ATXN2: variants seen among roughly 807,000 people sequenced by gnomAD.
ATXN2 encodes ataxin-2.
A neutral mutation model predicts 138.6 loss-of-function variants in ATXN2; 37 were observed. That is an observed-to-expected ratio of 0.27 (90% confidence interval 0.21 to 0.35). ATXN2 has a LOEUF of 0.35. Among genes scored for constraint, ATXN2 ranks in the 10% least tolerant of loss-of-function variants. The pLI, the probability that ATXN2 is intolerant of heterozygous loss-of-function variation, is 1.00. For synonymous variants in ATXN2, 549 were observed against 543.7 expected (o/e 1.01, Z -0.13); for missense variants, 1,216 against 1,480.3 (o/e 0.82, Z 2.93).
Position 111,576,990 on chromosome 12 carries a change from A to C in ATXN2, c.252-21071T>G, listed in dbSNP as rs377013612. Among the ~76,000 whole-genome samples, 136 of 151,152 alleles carry C rather than the reference A, an allele frequency of 9.0e-4. 1 individual carries two copies. The highest frequency in any genetic ancestry group is 1.4e-3 in the African/African-American group (57 of 41,262). ...TAAATAAATAAATAAACAAACAAACAAACCCAGGGTTTCACCACGTTGGCC... is the reference window on the plus strand; with the variant it reads ...TAAATAAATAAATAAACAAACAAACCAACCCAGGGTTTCACCACGTTGGCC... On this transcript the variant is annotated intron_variant, in intron 1 of 24. Transcript: ENST00000673436.
At chr12:111,563,257 G>C (rs1290988790) in intron 1 of ATXN2, among the ~76,000 whole-genome samples, 1 of 152,112 alleles carries the variant, frequency 6.6e-6, no homozygotes, top group Admixed American at 6.6e-5. Context: ...TTCTTGGACA[G>C]AGGGAGTAAA....
At chr12:111,474,277 C>T (rs1876635013) in intron 18 of ATXN2, among the ~76,000 whole-genome samples, 1 of 151,860 alleles carries the variant, frequency 6.6e-6, no homozygotes, top group East Asian at 1.9e-4. Flanking sequence ...GCTCATCCAG[C>T]ACCTCCTAAA....
chr12:111,561,088 G>A (rs1434805731), intron 1 of ATXN2, among the ~76,000 whole-genome samples: 1 of 152,036 alleles, frequency 6.6e-6, no homozygotes, highest in Non-Finnish European at 1.5e-5. Context: ...AGGAGGCTAA[G>A]GCAGGACAAT....
At chr12:111,455,782 G>A (rs574222467) in intron 23 of ATXN2, 2 of 576,094 alleles carry the variant, frequency 3.5e-6, no homozygotes, top group Non-Finnish European at 3.1e-6. Flanking sequence ...GCATTCCAGA[G>A]TCAAAGATAT....
At chr12:111,481,741 C>T (rs546716663) in intron 18 of ATXN2, among the ~76,000 whole-genome samples, 3 of 152,080 alleles carry the variant, frequency 2.0e-5, no homozygotes, top group South Asian at 2.1e-4. Flanking sequence ...CTGCAGCCTC[C>T]GCCTCCCAGG....
At chr12:111,567,842 T>C (rs767855993) in intron 1 of ATXN2, among the ~76,000 whole-genome samples, 2 of 152,152 alleles carry the variant, frequency 1.3e-5, no homozygotes, top group African/African-American at 2.4e-5. Context: ...CGTATGTTTG[T>C]CTGTCTTATT....
chr12:111,577,285 A>G (rs1883722303), intron 1 of ATXN2, among the ~76,000 whole-genome samples: 1 of 151,956 alleles, frequency 6.6e-6, no homozygotes. Flanking sequence ...ATTTATTTTG[A>G]GACAGAGTCT....
At chr12:111,505,105 C>G (rs937204082) in intron 14 of ATXN2, among the ~76,000 whole-genome samples, 41 of 152,200 alleles carry the variant, frequency 2.7e-4, no homozygotes, top group African/African-American at 9.9e-4. Context: ...GTGGTGCACA[C>G]CTGTAGTACC....
In ATXN2 at chr12:111,519,896, C is replaced by T. The variant is rs1405999711; in HGVS notation, c.969G>A (p.Gly323=). 1 of 1,614,106 alleles carries T rather than the reference C, an allele frequency of 6.2e-7. No homozygotes were observed. The highest frequency in any genetic ancestry group is 8.5e-7 in the Non-Finnish European group (1 of 1,179,990). ...AVQRNSSERE[G]HSINTRENKY... ...TTAAATACCTAGTGTTTATGCTGTG[C>T]CCCTCACGTTCACTGGAATTTCTCT... The change falls in exon 8 of 25, where the codon GGG becomes GGA. Residue 323 remains glycine (G), a synonymous_variant. Transcript: ENST00000673436.
intron 1 of ATXN2, among the ~76,000 whole-genome samples, chr12:111,583,958 T>G (rs1884174531): frequency 6.6e-6 from 1 of 152,006 alleles, no homozygotes; most frequent in African/African-American, 2.4e-5. Context: ...GAGTGTCCTG[T>G]ATTTCTATTT....
intron 5 of ATXN2, among the ~76,000 whole-genome samples, chr12:111,542,842 G>A (rs963865114): frequency 4.0e-5 from 6 of 151,842 alleles, no homozygotes; most frequent in South Asian, 2.1e-4. Context: ...TTTTTTTATC[G>A]TTTGTCCAAA....
chr12:111,472,242 C>T lies in ATXN2; in HGVS notation c.2525-1500G>A, dbSNP rs534618397. On this transcript the variant is annotated intron_variant, in intron 18 of 24. Coordinates refer to ENST00000673436, the MANE Select transcript of ATXN2 (RefSeq NM_001372574.1). ...TAACTGCACCACTGCACTCCAGCCT[C>T]GGCGAAGAAGTGAGACCCTGTCTCA... is the stretch of plus-strand genomic sequence containing the variant. 2.9e-3 allele frequency among the ~76,000 whole-genome samples: 436 copies of T among 152,102 alleles called. 2 individuals are homozygous for T. The highest frequency in any genetic ancestry group is 5.2e-3 in the South Asian group (25 of 4,808).
chr12:111,571,147 G>A (rs190290408), intron 1 of ATXN2, among the ~76,000 whole-genome samples: 32 of 152,326 alleles, frequency 2.1e-4, no homozygotes, highest in South Asian at 4.1e-4. Flanking sequence ...GTATGAAGGA[G>A]CAGGGATGCG....
intron 1 of ATXN2, among the ~76,000 whole-genome samples, chr12:111,582,788 C>G (rs1231351166): frequency 6.6e-6 from 1 of 151,954 alleles, no homozygotes; most frequent in Non-Finnish European, 1.5e-5. Context: ...CCTGCCTCAG[C>G]CTCCCAAGTA....
At chr12:111,592,196 C>T (rs1376042344) in intron 1 of ATXN2, among the ~76,000 whole-genome samples, 2 of 151,570 alleles carry the variant, frequency 1.3e-5, no homozygotes, top group Non-Finnish European at 2.9e-5. Context: ...TCAAGAGCAG[C>T]CTGGCCAACA....
intron 22 of ATXN2, 104 bp from the exon 23 acceptor site, chr12:111,456,360 G>C: frequency 5.1e-4 from 596 of 1,162,064 alleles, no homozygotes; most frequent in Non-Finnish European, 7.0e-4. Flanking sequence ...TATGATGAGG[G>C]TCACTGGAAA....
chr12:111,580,680 GGA>G (rs1167846972), intron 1 of ATXN2, among the ~76,000 whole-genome samples: 2 of 112,220 alleles, frequency 1.8e-5, no homozygotes, highest in South Asian at 4.3e-4. Flanking sequence ...AGGGAGGGGG[GGA>G]GAGAGAAGGG....
intron 23 of ATXN2, chr12:111,454,832 C>A: frequency 7.7e-6 from 4 of 516,800 alleles, no homozygotes; most frequent in South Asian, 7.6e-5. Context: ...TGTAAGTTCA[C>A]ATGCCTACTT....
chr12:111,573,352 C>T (rs1435352050), intron 1 of ATXN2, among the ~76,000 whole-genome samples: 2 of 152,194 alleles, frequency 1.3e-5, no homozygotes, highest in East Asian at 3.9e-4. Flanking sequence ...TGTCACCACG[C>T]CTGGCTAACT....
Sources: gnomAD v4.1 joint callset for allele counts (sites outside exome capture counted in the v4.1 genomes callset) on GRCh38, gnomAD v4.1.1 for gene constraint, MANE v1.5 for transcripts, NCBI Gene and HGNC (gene_info 2026-07-23, HGNC 2026-07-21) for gene names.